BLTP1: variants seen among roughly 807,000 people sequenced by gnomAD.
The protein encoded by BLTP1 is bridge-like lipid transfer protein family member 1.
At chr4:122,258,717 C>T in the BLTP1 span, 2 of 1,613,686 alleles carry the variant, frequency 1.2e-6, no homozygotes, top group Non-Finnish European at 1.7e-6. Context: ...TCAGTGAACA[C>T]ACAATGCTAT....
chr4:122,317,453 A>G, the BLTP1 span, among the ~76,000 whole-genome samples: 1 of 152,258 alleles, frequency 6.6e-6, no homozygotes, highest in Non-Finnish European at 1.5e-5. Flanking sequence ...TTACTCTTAT[A>G]TGTATCTTCA....
chr4:122,201,406 G>C, the BLTP1 span, among the ~76,000 whole-genome samples: 5 of 152,262 alleles, frequency 3.3e-5, no homozygotes, highest in African/African-American at 1.2e-4. Context: ...TGGAGGGTAG[G>C]ATGGAGATGA....
the BLTP1 span, among the ~76,000 whole-genome samples, chr4:122,164,780 T>C: frequency 2.6e-5 from 4 of 152,166 alleles, no homozygotes; most frequent in South Asian, 8.3e-4. Context: ...TGCATTAAAA[T>C]ATAAAGTAAT....
chr4:122,174,560 C>G, the BLTP1 span: 3 of 1,603,726 alleles, frequency 1.9e-6, no homozygotes, highest in Non-Finnish European at 2.6e-6. Context: ...GCTGTTTTTT[C>G]CTTCCTATAA....
At chr4:122,160,878 A>G in the BLTP1 span, among the ~76,000 whole-genome samples, 4 of 151,516 alleles carry the variant, frequency 2.6e-5, no homozygotes, top group Non-Finnish European at 5.9e-5. Context: ...ACCCTACACA[A>G]ATTATCTGAA....
At chr4:122,258,972 G>A in the BLTP1 span, 2 of 574,474 alleles carry the variant, frequency 3.5e-6, no homozygotes, top group East Asian at 5.9e-5. Flanking sequence ...AAATTAACTT[G>A]ATTTGTAATT....
chr4:122,284,152 T>C, the BLTP1 span, among the ~76,000 whole-genome samples: 1 of 152,258 alleles, frequency 6.6e-6, no homozygotes, highest in African/African-American at 2.4e-5. Context: ...GTGTGCTTGA[T>C]GCTTTTTTGT....
chr4:122,254,279 A>G, the BLTP1 span: 79 of 1,613,472 alleles, frequency 4.9e-5, no homozygotes, highest in Non-Finnish European at 6.0e-5. Flanking sequence ...GAAGTTGACC[A>G]TTAAAGAAAT....
the BLTP1 span, chr4:122,255,083 C>A: frequency 6.5e-7 from 1 of 1,542,546 alleles, no homozygotes; most frequent in Non-Finnish European, 8.8e-7. Context: ...TATTTGTAGG[C>A]TCTTTCATAC....
the BLTP1 span, chr4:122,271,049 T>G: frequency 6.2e-7 from 1 of 1,612,254 alleles, no homozygotes; most frequent in Non-Finnish European, 8.5e-7. Flanking sequence ...TCCACTTGAG[T>G]TCAAACCAGC....
At chr4:122,239,148 C>T in the BLTP1 span, among the ~76,000 whole-genome samples, 2 of 152,104 alleles carry the variant, frequency 1.3e-5, no homozygotes, top group African/African-American at 4.8e-5. Context: ...ATAACTTCTT[C>T]CTCCAGTCTC....
the BLTP1 span, among the ~76,000 whole-genome samples, chr4:122,296,355 A>G: frequency 6.6e-6 from 1 of 152,318 alleles, no homozygotes; most frequent in East Asian, 1.9e-4. Context: ...GAATACAGCT[A>G]ACAATGGAAG....
the BLTP1 span, chr4:122,154,460 C>T: frequency 1.0e-6 from 1 of 985,266 alleles, no homozygotes; most frequent in Admixed American, 6.1e-5. Flanking sequence ...AAGTCATGTG[C>T]TTAGCCTGTG....
chr4:122,197,870 C>G, the BLTP1 span: 1 of 660,294 alleles, frequency 1.5e-6, no homozygotes, highest in East Asian at 1.4e-4. Flanking sequence ...TGAATAAATA[C>G]TTTTTGTTAA....
At chr4:122,362,291 T>C in the BLTP1 span, 3 of 1,451,326 alleles carry the variant, frequency 2.1e-6, no homozygotes, top group Non-Finnish European at 2.9e-6. Flanking sequence ...GTGTCTGTTT[T>C]ATTACACTGG....
the BLTP1 span, chr4:122,229,742 T>C: frequency 4.2e-6 from 4 of 962,432 alleles, no homozygotes; most frequent in Non-Finnish European, 4.9e-6. Context: ...TTGTTTTTAT[T>C]TTGTTTAACT....
chr4:122,200,724 G>T, the BLTP1 span: 1 of 979,692 alleles, frequency 1.0e-6, no homozygotes, highest in Admixed American at 6.2e-5. Flanking sequence ...GATGTCGGTT[G>T]TTACCCCATT....
the BLTP1 span, chr4:122,220,452 T>A: frequency 2.5e-6 from 4 of 1,611,242 alleles, 1 homozygote; most frequent in South Asian, 4.4e-5. Context: ...TGAATGTGTT[T>A]GTCAGTGATA....
the BLTP1 span, among the ~76,000 whole-genome samples, chr4:122,252,281 A>G: frequency 6.6e-6 from 1 of 152,164 alleles, no homozygotes; most frequent in African/African-American, 2.4e-5. Flanking sequence ...GGGAGAAGTA[A>G]TGGGGACTTT....
Sources: gnomAD v4.1 joint callset for allele counts (sites outside exome capture counted in the v4.1 genomes callset) on GRCh38, gnomAD v4.1.1 for gene constraint, MANE v1.5 for transcripts, NCBI Gene and HGNC (gene_info 2026-07-23, HGNC 2026-07-21) for gene names.